The following TNS3 variants were observed in gnomAD, a reference collection of about 807,000 sequenced individuals.
TNS3 encodes tensin-3.
In TNS3, 45 loss-of-function variants were observed where a neutral mutation model predicts 140.9. That is an observed-to-expected ratio of 0.32 (90% CI 0.25 to 0.41). The LOEUF (loss-of-function observed/expected upper bound fraction) is 0.41. Ranked by LOEUF, TNS3 falls within the 10% of genes least tolerant of loss-of-function variation. The probability of loss-of-function intolerance (pLI) is 1.00; values close to 1 mark genes in which losing one functional copy is unlikely to be tolerated. For synonymous variants in TNS3, 815 were observed against 788.4 expected (o/e 1.03, Z -0.56); for missense variants, 1,716 against 1,906.7 (o/e 0.90, Z 1.86).
At chr7:47,390,997 AAAG>A (rs1792480462) in intron 16 of TNS3, among the ~76,000 whole-genome samples, 1 of 152,128 alleles carries the variant, frequency 6.6e-6, no homozygotes, top group Non-Finnish European at 1.5e-5. Flanking sequence ...GTCACCCAGC[AAAG>A]AAGCCAGGCT....
chr7:47,303,654 C>T, intron 21 of TNS3, 70 bp from the exon 22 acceptor site: 1 of 1,476,898 alleles, frequency 6.8e-7, no homozygotes, highest in African/African-American at 1.4e-5. Context: ...CAGCAAGCGT[C>T]ACCCACACGG....
chr7:47,369,228 C>T lies in TNS3; in HGVS notation c.1418G>A (p.Arg473Gln), dbSNP rs770107569. 8.1e-6 allele frequency: 13 copies of T among 1,614,182 alleles called. No individual in the cohort carries two copies. The highest frequency in any genetic ancestry group is 2.2e-5 in the East Asian group (1 of 44,884). The change falls in exon 17 of 31, where the codon CGG (arginine) becomes CAG (glutamine). Residue 473 changes from arginine to glutamine, a missense_variant. By Grantham distance (43) the Arg-to-Gln change is conservative. Around this residue, in one of 3 missense-constraint regions of TNS3, gnomAD observed 1,163 missense variants for 1,182.1 expected, o/e 0.98. Transcript: ENST00000311160. ...HVNGDAALKD[R>Q]ETDILDDEMP... ...CTCGTCATCCAGAATGTCTGTCTCC[C>T]GATCCTTCAGAGCAGCGTCTCCATT...
chr7:47,318,263 C>A (rs570415449), intron 20 of TNS3, among the ~76,000 whole-genome samples: 1 of 152,202 alleles, frequency 6.6e-6, no homozygotes, highest in South Asian at 2.1e-4. Context: ...GTCAGAACGT[C>A]CTTCCTTTTT....
At chr7:47,579,753 A>T in intron 1 of TNS3, 1 of 672,470 alleles carries the variant, frequency 1.5e-6, no homozygotes, top group Non-Finnish European at 1.8e-6. Flanking sequence ...TTGGTATTTT[A>T]CTCATCTGTA....
At chr7:47,325,553 A>G (rs1317032901) in intron 20 of TNS3, among the ~76,000 whole-genome samples, 2 of 152,290 alleles carry the variant, frequency 1.3e-5, no homozygotes, top group Admixed American at 6.5e-5. Flanking sequence ...GTAAAATCAC[A>G]GTGAGCAATG....
intron 27 of TNS3, among the ~76,000 whole-genome samples, chr7:47,289,255 A>G (rs1397498695): frequency 6.6e-6 from 1 of 152,254 alleles, no homozygotes; most frequent in African/African-American, 2.4e-5. Context: ...TATGAGGTAC[A>G]GAATGGAGGT....
chr7:47,367,983 C>G (rs993703975), intron 17 of TNS3, among the ~76,000 whole-genome samples: 1 of 152,110 alleles, frequency 6.6e-6, no homozygotes, highest in Non-Finnish European at 1.5e-5. Context: ...ACCTATACCG[C>G]AGGGACAGAA....
chr7:47,383,468 C>T (rs1273135222), intron 16 of TNS3, among the ~76,000 whole-genome samples: 3 of 152,086 alleles, frequency 2.0e-5, no homozygotes, highest in Non-Finnish European at 4.4e-5. Flanking sequence ...TAGATAATGG[C>T]GACAGTTCCA....
intron 1 of TNS3, among the ~76,000 whole-genome samples, chr7:47,558,615 G>A (rs190824576): frequency 2.3e-4 from 35 of 152,212 alleles, no homozygotes; most frequent in African/African-American, 8.4e-4. Flanking sequence ...ACCGACTCCT[G>A]TTTCGTCGAT....
At chr7:47,446,703 T>TTTTTTTTTTTG (rs1795755548) in intron 4 of TNS3, among the ~76,000 whole-genome samples, 1 of 68,344 alleles carries the variant, frequency 1.5e-5, no homozygotes, top group African/African-American at 4.0e-5. Flanking sequence ...TTTTTTTTTT[T>TTTTTTTTTTTG]TTTTTTTTTT....
In TNS3 at chr7:47,395,361, C is replaced by A. The variant is rs151071084; in HGVS notation, c.1024+1439G>T. On this transcript the variant is annotated intron_variant, in intron 16 of 30. Transcript: ENST00000311160. ...TAGCCCCTTTCCCCATCTTGCCTTG[C>A]GATGATTATTTACACACTTCACCAG... is the stretch of plus-strand genomic sequence containing the variant. Among the ~76,000 whole-genome samples, 416 of 152,262 alleles carry A rather than the reference C, an allele frequency of 2.7e-3. 7 individuals carry two copies. Among genetic ancestry groups the A allele is most frequent in the Admixed American group, 0.024 (365 of 15,300 alleles).
intron 2 of TNS3, among the ~76,000 whole-genome samples, chr7:47,512,501 G>A (rs144191649): frequency 6.6e-6 from 1 of 152,322 alleles, no homozygotes; most frequent in East Asian, 1.9e-4. Flanking sequence ...ATATTAGGTA[G>A]CTATTGAAAA....
At chr7:47,345,787 C>G (rs936584524) in intron 18 of TNS3, among the ~76,000 whole-genome samples, 1 of 152,188 alleles carries the variant, frequency 6.6e-6, no homozygotes, top group African/African-American at 2.4e-5. Flanking sequence ...GTGCCACTGG[C>G]TGCTGCTGTC....
chr7:47,475,522 C>A (rs181822323), intron 4 of TNS3, among the ~76,000 whole-genome samples: 2 of 76,748 alleles, frequency 2.6e-5, no homozygotes, highest in South Asian at 1.3e-3. Flanking sequence ...TGTAAACAGG[C>A]GGCACTTCCC....
At chr7:47,482,575 G>T (rs1211018513) in intron 3 of TNS3, among the ~76,000 whole-genome samples, 1 of 152,244 alleles carries the variant, frequency 6.6e-6, no homozygotes, top group South Asian at 2.1e-4. Context: ...ATGGTTAACA[G>T]AGCGGTGTGA....
At position 47,487,018 on chromosome 7, in the gene TNS3, G is replaced by A. The variant is rs148571199; in HGVS notation, c.-114-5877C>T. ...AACATGAAGTAAGGACTGAAGAGAG[G>A]CCGGGCGCAGTAGCTCAAACCTATA... On this transcript the variant is annotated intron_variant, in intron 3 of 30. Coordinates refer to ENST00000311160, the MANE Select transcript of TNS3 (RefSeq NM_022748.12). Among the ~76,000 whole-genome samples the A allele has an allele frequency of 3.3e-4, 50 of 152,314 alleles. 1 individual carries two copies. The highest frequency in any genetic ancestry group is 8.2e-4 in the African/African-American group (34 of 41,576).
intron 20 of TNS3, among the ~76,000 whole-genome samples, chr7:47,340,670 C>T (rs1237695666): frequency 6.6e-6 from 1 of 151,326 alleles, no homozygotes; most frequent in Non-Finnish European, 1.5e-5. Flanking sequence ...CAAGCTCCGC[C>T]TCTTCCCTGG....
chr7:47,435,273 C>T lies in TNS3; in HGVS notation c.324+9G>A, dbSNP rs755259421. The T allele has an allele frequency of 5.0e-6, 8 of 1,613,304 alleles. No individual in the cohort carries two copies. The highest frequency in any genetic ancestry group is 5.9e-6 in the Non-Finnish European group (7 of 1,179,788). On this transcript the variant is annotated intron_variant, in intron 8 of 30. Transcript: ENST00000311160. ...CCAGACCCCCAAATGTGAGAGGGGG[C>T]GCACTCACCCTGCAGTGAATGACGA...
At chr7:47,553,929 C>T (rs570150135) in intron 1 of TNS3, among the ~76,000 whole-genome samples, 19 of 152,014 alleles carry the variant, frequency 1.2e-4, no homozygotes, top group African/African-American at 3.6e-4. Context: ...CTCAGCCTCC[C>T]GAGTAGCTGG....
Sources: gnomAD v4.1 joint callset for allele counts (sites outside exome capture counted in the v4.1 genomes callset) on GRCh38, gnomAD v4.1.1 for gene constraint, gnomAD v4.1.1 regional missense constraint, MANE v1.5 for transcripts, NCBI Gene and HGNC (gene_info 2026-07-23, HGNC 2026-07-21) for gene names.